Variants in CAST observed in about 807,000 individuals in gnomAD.
CAST encodes calpastatin.
A neutral mutation model predicts 119.6 loss-of-function variants in CAST; 76 were observed. The observed-to-expected ratio is 0.64, with a 90% CI of 0.53 to 0.77. CAST has a LOEUF of 0.77. Ranked by LOEUF, CAST falls within the 30% of genes least tolerant of loss-of-function variation. The pLI, the probability that CAST is intolerant of heterozygous loss-of-function variation, is 0.00. For synonymous variants in CAST, 319 were observed against 331.6 expected, an observed-to-expected ratio of 0.96 and a Z score of 0.41; for missense variants, 953 against 946.5, an observed-to-expected ratio of 1.01 and a Z score of -0.09.
the CAST span, among the ~76,000 whole-genome samples, chr5:95,999,816 G>A: frequency 1.3e-5 from 2 of 152,094 alleles, no homozygotes; most frequent in South Asian, 2.1e-4. Context: ...TTAACTTTTT[G>A]AGAAACTGCC....
At chr5:96,084,040 G>A in the CAST span, among the ~76,000 whole-genome samples, 1 of 152,180 alleles carries the variant, frequency 6.6e-6, no homozygotes, top group African/African-American at 2.4e-5. Flanking sequence ...TTAGAACAAT[G>A]CCTGGTGCAT....
the CAST span, among the ~76,000 whole-genome samples, chr5:96,413,796 GT>G: frequency 7.0e-5 from 3 of 43,106 alleles, no homozygotes; most frequent in African/African-American, 2.9e-4. Flanking sequence ...GCAAGACTCT[GT>G]CTCAAAAAAA....
the CAST span, among the ~76,000 whole-genome samples, chr5:96,517,707 G>C: frequency 6.6e-6 from 1 of 152,222 alleles, no homozygotes; most frequent in African/African-American, 2.4e-5. Flanking sequence ...ACCAAGTTTA[G>C]AGGGTCAGGT....
At chr5:96,544,764 G>A (rs147502736) in intron 1 of CAST, among the ~76,000 whole-genome samples, 75 of 151,616 alleles carry the variant, frequency 4.9e-4, no homozygotes, top group African/African-American at 1.7e-3. Context: ...CCAACATATC[G>A]ATAATCACCT....
chr5:96,427,042 G>A, the CAST span, among the ~76,000 whole-genome samples: 1 of 152,114 alleles, frequency 6.6e-6, no homozygotes, highest in Non-Finnish European at 1.5e-5. Context: ...GTTGATCTCT[G>A]GAAGCTGACT....
At chr5:96,343,903 C>T in the CAST span, among the ~76,000 whole-genome samples, 1 of 152,212 alleles carries the variant, frequency 6.6e-6, no homozygotes, top group Non-Finnish European at 1.5e-5. Context: ...TACCATCAGT[C>T]TCCTTCAGCT....
At chr5:96,095,390 A>G in the CAST span, among the ~76,000 whole-genome samples, 1 of 151,412 alleles carries the variant, frequency 6.6e-6, no homozygotes, top group African/African-American at 2.4e-5. Context: ...GGTGACATAG[A>G]GACACCCCTG....
At chr5:96,703,030 CCAGGCTCG>C (rs1754182726) in intron 3 of CAST, 1 of 774,240 alleles carries the variant, frequency 1.3e-6, no homozygotes, top group African/African-American at 1.9e-5. Flanking sequence ...AGCGGACTCC[CCAGGCTCG>C]GGACGTGCGC....
At chr5:96,713,810 AC>A (rs1342035906) in intron 3 of CAST, among the ~76,000 whole-genome samples, 3 of 152,034 alleles carry the variant, frequency 2.0e-5, no homozygotes, top group Non-Finnish European at 2.9e-5. Flanking sequence ...CCCCATCTCT[AC>A]TAAAAATACA....
intron 1 of CAST, among the ~76,000 whole-genome samples, chr5:96,538,967 A>G (rs1745867951): frequency 6.6e-6 from 1 of 152,264 alleles, no homozygotes; most frequent in Non-Finnish European, 1.5e-5. Context: ...TGGTAGCAGC[A>G]TATCACTCTG....
At chr5:96,056,024 CCT>C in the CAST span, among the ~76,000 whole-genome samples, 1 of 152,026 alleles carries the variant, frequency 6.6e-6, no homozygotes, top group Non-Finnish European at 1.5e-5. Context: ...ACCCCAGTAT[CCT>C]CTTTTTGTTT....
At chr5:96,525,825 G>A (rs1745589927), upstream of CAST, among the ~76,000 whole-genome samples, 1 of 152,216 alleles carries the variant, frequency 6.6e-6, no homozygotes, top group Non-Finnish European at 1.5e-5. Flanking sequence ...AAATTGGCGT[G>A]CTGAGGTTGT....
the CAST span, among the ~76,000 whole-genome samples, chr5:96,293,077 C>A: frequency 6.6e-6 from 1 of 152,118 alleles, no homozygotes; most frequent in African/African-American, 2.4e-5. Context: ...GGGATTCAAC[C>A]CTGTCATGTT....
intron 1 of CAST, among the ~76,000 whole-genome samples, chr5:96,652,311 G>A (rs1215691131): frequency 6.6e-6 from 1 of 152,216 alleles, no homozygotes; most frequent in Non-Finnish European, 1.5e-5. Flanking sequence ...TCTATAATTA[G>A]AATACTCATG....
chr5:96,178,692 G>T, the CAST span, among the ~76,000 whole-genome samples: 1 of 151,794 alleles, frequency 6.6e-6, no homozygotes, highest in Non-Finnish European at 1.5e-5. Context: ...AGCACTGGCT[G>T]GTTGAAGACA....
the CAST span, among the ~76,000 whole-genome samples, chr5:96,400,959 C>T: frequency 1.3e-5 from 2 of 150,998 alleles, no homozygotes; most frequent in Non-Finnish European, 3.0e-5. Context: ...CGGTGGCGGG[C>T]GCCTGTAGTC....
chr5:96,406,575 A>G, the CAST span, among the ~76,000 whole-genome samples: 1 of 152,204 alleles, frequency 6.6e-6, no homozygotes, highest in Admixed American at 6.5e-5. Context: ...ATACCCAGGA[A>G]TATACCCCAT....
At position 96,740,491 on chromosome 5, in the gene CAST, T is replaced by C. The variant is rs565387768; in HGVS notation, c.880-254T>C. 1.1e-4 allele frequency among the ~76,000 whole-genome samples: 17 copies of C among 152,288 alleles called. No homozygotes were observed. The South Asian group carries it at 3.5e-3, about 32-fold the overall frequency. ...CCTTCTGTGCTTCTATGCATATCTC[T>C]GGGTCCAAATTTCCCCTTTTTATAA... On this transcript the variant is annotated intron_variant, in intron 12 of 31. Coordinates refer to ENST00000675179, the MANE Select transcript of CAST (RefSeq NM_001750.7).
chr5:96,765,355 T>G lies in CAST; in HGVS notation c.2037+30T>G, dbSNP rs1769535213. On this transcript the variant is annotated intron_variant, in intron 26 of 31. Coordinates refer to ENST00000675179, the MANE Select transcript of CAST (RefSeq NM_001750.7). ...AAAAAAAAAAAAAAAAAAAAAAAAT[T>G]CACTAATAGTGAAATTTTAATCCTT... The G allele has an allele frequency of 2.5e-6, 2 of 786,262 alleles. 1 individual carries two copies. The highest frequency in any genetic ancestry group is 6.1e-5 in the Admixed American group (2 of 32,578). 48.7% of individuals were successfully genotyped at this position (786,262 alleles called of 1,614,324 possible).
Sources: gnomAD v4.1 joint callset for allele counts (sites outside exome capture counted in the v4.1 genomes callset) on GRCh38, gnomAD v4.1.1 for gene constraint, MANE v1.5 for transcripts, NCBI Gene and HGNC (gene_info 2026-07-23, HGNC 2026-07-21) for gene names.